VAV3: variants seen among roughly 807,000 people sequenced by gnomAD.
VAV3 encodes guanine nucleotide exchange factor VAV3.
VAV3 carries 94 observed loss-of-function variants against 131.2 expected under a neutral mutation model. That is an observed-to-expected ratio of 0.72 (90% CI 0.61 to 0.85). The LOEUF (loss-of-function observed/expected upper bound fraction) is 0.85. Among genes scored for constraint, VAV3 ranks in the 40% least tolerant of loss-of-function variants. The pLI, the probability that VAV3 is intolerant of heterozygous loss-of-function variation, is 0.00. For synonymous variants in VAV3, 349 were observed against 342.0 expected, an observed-to-expected ratio of 1.02 and a Z score of -0.22; for missense variants, 939 against 1,002.7, an observed-to-expected ratio of 0.94 and a Z score of 0.86.
intron 25 of VAV3, among the ~76,000 whole-genome samples, chr1:107,577,463 T>C (rs559737878): frequency 9.8e-5 from 15 of 152,362 alleles, no homozygotes; most frequent in African/African-American, 3.1e-4. Flanking sequence ...AGATTATGCA[T>C]TGGGCTATGT....
intron 1 of VAV3, among the ~76,000 whole-genome samples, chr1:107,896,613 C>A (rs1671592489): frequency 6.6e-6 from 1 of 152,128 alleles, no homozygotes; most frequent in Non-Finnish European, 1.5e-5. Flanking sequence ...AATCTAATCG[C>A]AACCCAAGCC....
chr1:107,663,371 TA>T (rs1467138026), intron 19 of VAV3, among the ~76,000 whole-genome samples: 4 of 152,242 alleles, frequency 2.6e-5, no homozygotes, highest in Non-Finnish European at 2.9e-5. Context: ...ATATTACTCT[TA>T]AAAAAATAAA....
At chr1:107,648,579 C>T (rs1655913802) in intron 19 of VAV3, among the ~76,000 whole-genome samples, 1 of 152,018 alleles carries the variant, frequency 6.6e-6, no homozygotes, top group African/African-American at 2.4e-5. Flanking sequence ...GTAAGGAATC[C>T]AGTTTCAGAA....
At chr1:107,640,476 G>T (rs1655262102) in intron 20 of VAV3, among the ~76,000 whole-genome samples, 1 of 152,164 alleles carries the variant, frequency 6.6e-6, no homozygotes, top group Non-Finnish European at 1.5e-5. Flanking sequence ...GCGGAACAAA[G>T]CAACAGGAAG....
Position 107,606,803 on chromosome 1 carries a change from C to CTT in VAV3, c.2015+3126_2015+3127dup, listed in dbSNP as rs34849497. On this transcript the variant is annotated intron_variant, in intron 22 of 26. Coordinates refer to ENST00000370056, the MANE Select transcript of VAV3 (RefSeq NM_006113.5). ...TGTCTGCTCACTCCAATGGTTTCTTCTTTTTTTTTTTTTTTTTTTTTTTTT... is the reference window on the plus strand; with the variant it reads ...TGTCTGCTCACTCCAATGGTTTCTTCTTTTTTTTTTTTTTTTTTTTTTTTTTT... Among the ~76,000 whole-genome samples, 365 of 58,008 alleles carry CTT rather than the reference C, an allele frequency of 6.3e-3. 14 individuals carry two copies. The highest frequency in any genetic ancestry group is 0.021 in the African/African-American group (299 of 14,366). The allele number at this position is 58,008 out of a possible 152,430, so 38.1% of individuals were successfully genotyped here. A position where few individuals can be genotyped will look rare whatever the true frequency, so the allele number is the denominator to read the frequency against.
At chr1:107,936,406 C>T (rs1329917180) in intron 1 of VAV3, among the ~76,000 whole-genome samples, 1 of 152,030 alleles carries the variant, frequency 6.6e-6, no homozygotes, top group East Asian at 1.9e-4. Context: ...GATTCTGGGT[C>T]TGATTTTTAG....
intron 2 of VAV3, among the ~76,000 whole-genome samples, chr1:107,847,479 C>T: frequency 6.6e-6 from 1 of 151,998 alleles, no homozygotes; most frequent in East Asian, 1.9e-4. Context: ...ATCAGTGAAT[C>T]CAGGAGCTGG....
At chr1:107,648,828 C>A (rs1424459768) in intron 19 of VAV3, among the ~76,000 whole-genome samples, 1 of 151,974 alleles carries the variant, frequency 6.6e-6, no homozygotes, top group African/African-American at 2.4e-5. Context: ...ATGCAACCTA[C>A]AGGGAATGAG....
chr1:107,656,136 T>C (rs1557737568), intron 19 of VAV3, among the ~76,000 whole-genome samples: 1 of 152,174 alleles, frequency 6.6e-6, no homozygotes, highest in Non-Finnish European at 1.5e-5. Flanking sequence ...ATATATTCAA[T>C]TGATACCTGC....
At chr1:107,618,498 A>C (rs1339639655) in intron 20 of VAV3, among the ~76,000 whole-genome samples, 1 of 152,222 alleles carries the variant, frequency 6.6e-6, no homozygotes, top group East Asian at 1.9e-4. Context: ...ATTTTGGAGA[A>C]TAGGACTCTA....
chr1:107,747,715 GC>G (rs1663441314), intron 15 of VAV3, among the ~76,000 whole-genome samples: 2 of 152,232 alleles, frequency 1.3e-5, no homozygotes, highest in South Asian at 4.1e-4. Flanking sequence ...GGAAACTGAG[GC>G]TGTGAGAGGT....
At chr1:107,807,063 T>C (rs1667094694) in intron 2 of VAV3, among the ~76,000 whole-genome samples, 1 of 152,184 alleles carries the variant, frequency 6.6e-6, no homozygotes, top group African/African-American at 2.4e-5. Flanking sequence ...TTTCCATCTC[T>C]GGTTGGTTGA....
At chr1:107,814,664 C>T (rs1397148952) in intron 2 of VAV3, among the ~76,000 whole-genome samples, 1 of 152,020 alleles carries the variant, frequency 6.6e-6, no homozygotes, top group Non-Finnish European at 1.5e-5. Flanking sequence ...TGATTTGTTG[C>T]CTGTGCTTCT....
At chr1:107,620,592 C>T (rs578251730) in intron 20 of VAV3, among the ~76,000 whole-genome samples, 91 of 152,102 alleles carry the variant, frequency 6.0e-4, no homozygotes, top group African/African-American at 2.2e-3. Context: ...TAACTCATGA[C>T]TATATGTCAC....
chr1:107,635,911 T>C (rs1654897705), intron 20 of VAV3, among the ~76,000 whole-genome samples: 1 of 152,208 alleles, frequency 6.6e-6, no homozygotes, highest in Admixed American at 6.5e-5. Context: ...GGGCAGACTA[T>C]TCAACCTCAC....
At chr1:107,890,989 CTG>C (rs1671283803) in intron 1 of VAV3, among the ~76,000 whole-genome samples, 1 of 152,002 alleles carries the variant, frequency 6.6e-6, no homozygotes, top group African/African-American at 2.4e-5. Flanking sequence ...TAATCTAACA[CTG>C]TTTGAAATAT....
intron 19 of VAV3, among the ~76,000 whole-genome samples, chr1:107,661,662 T>C (rs1657030498): frequency 6.6e-6 from 1 of 152,214 alleles, no homozygotes. Flanking sequence ...ATGTGCATGT[T>C]TATCATTAAA....
intron 7 of VAV3, among the ~76,000 whole-genome samples, chr1:107,767,079 C>T (rs925942508): frequency 3.3e-5 from 5 of 152,162 alleles, no homozygotes; most frequent in African/African-American, 1.2e-4. Context: ...GTCCTTGTGA[C>T]ACAAACATGT....
chr1:107,635,415 A>G (rs564288044), intron 20 of VAV3, among the ~76,000 whole-genome samples: 1 of 145,080 alleles, frequency 6.9e-6, no homozygotes, highest in South Asian at 2.2e-4. Context: ...GTGGGAATTG[A>G]ACAATGAGAA....
Sources: gnomAD v4.1 joint callset for allele counts (sites outside exome capture counted in the v4.1 genomes callset) on GRCh38, gnomAD v4.1.1 for gene constraint, MANE v1.5 for transcripts, NCBI Gene and HGNC (gene_info 2026-07-23, HGNC 2026-07-21) for gene names.